Variants in DOCK6 observed in about 807,000 individuals in gnomAD.
DOCK6 encodes dedicator of cytokinesis protein 6.
Under a neutral mutation model 230.3 loss-of-function variants are expected in DOCK6, and 167 were observed. The ratio of observed to expected loss-of-function variants is 0.73; its 90% CI spans 0.64 to 0.82. The LOEUF is 0.82. Ranked by LOEUF, DOCK6 falls within the 40% of genes least tolerant of loss-of-function variation. The pLI, the probability that DOCK6 is intolerant of heterozygous loss-of-function variation, is 0.00. For missense variants in DOCK6, 2,598 were observed against 2,825.8 expected (o/e 0.92, Z 1.83); for synonymous variants, 1,148 against 1,185.0 (o/e 0.97, Z 0.64).
intron 14 of DOCK6, among the ~76,000 whole-genome samples, chr19:11,241,226 CAG>C (rs952360225): frequency 4.1e-5 from 6 of 146,644 alleles, no homozygotes; most frequent in African/African-American, 1.3e-4. Flanking sequence ...GCCTGGGTGA[CAG>C]AGAGAGACTC....
At chr19:11,239,637 C>G in intron 14 of DOCK6, 1 of 1,613,674 alleles carries the variant, frequency 6.2e-7, no homozygotes. Context: ...GACCCTCAGT[C>G]ATGCCAGTGC....
In DOCK6 at chr19:11,217,342, T is replaced by C. The variant is rs1479715734; in HGVS notation, c.3600A>G (p.Thr1200=). The change falls in exon 29 of 48, where the codon ACA becomes ACG. Residue 1200 remains threonine, a synonymous_variant. Coordinates refer to ENST00000294618, the MANE Select transcript of DOCK6 (RefSeq NM_020812.4). ...SRLASMLDSD[T]EGEGDIAGTI... Reference sequence around the variant, plus strand: ...TACCCGCAATGTCCCCTTCGCCTTCTGTGTCTGAGTCAAGCATTGAGGCCA... The same window carrying C: ...TACCCGCAATGTCCCCTTCGCCTTCCGTGTCTGAGTCAAGCATTGAGGCCA... 1 of 1,613,450 alleles carries C rather than the reference T, an allele frequency of 6.2e-7. No individual in the cohort carries two copies. The highest frequency in any genetic ancestry group is 1.3e-5 in the African/African-American group (1 of 74,930).
rs925081420 is a variant in DOCK6 at position 11,202,329 on chromosome 19, C to T, written c.5451+65G>A. ...CCCAGAGAAAGAGGATTTGAGGGTC[C>T]CCAGGAAACAGCACTTGGAGTCTCT... On this transcript the variant is annotated intron_variant, in intron 43 of 47. Transcript: ENST00000294618. This position sits in a 1 kb window ranked among gnomAD's most constrained non-coding sequence, Gnocchi z 5.3. 9.6e-6 allele frequency: 15 copies of T among 1,557,794 alleles called. No individual in the cohort carries two copies. Among genetic ancestry groups the T allele is most frequent in the Admixed American group, 1.9e-5 (1 of 52,428 alleles).
chr19:11,214,718 C>A, intron 32 of DOCK6, 69 bp from the exon 33 acceptor site: 1 of 1,469,688 alleles, frequency 6.8e-7, no homozygotes, highest in Non-Finnish European at 9.4e-7. Context: ...GAGCTCTCTC[C>A]TTCCCCTGGC....
At chr19:11,225,031 TC>T (rs1295816086) in intron 24 of DOCK6, among the ~76,000 whole-genome samples, 28 of 147,516 alleles carry the variant, frequency 1.9e-4, no homozygotes, top group African/African-American at 6.8e-4. Flanking sequence ...GCCACTGCAC[TC>T]CCGCCTGGGC....
At chr19:11,209,306 A>C (rs185945440) in intron 37 of DOCK6, among the ~76,000 whole-genome samples, 3 of 142,516 alleles carry the variant, frequency 2.1e-5, no homozygotes, top group Admixed American at 7.0e-5. Context: ...CCCTTCGCCT[A>C]TTTTCTTACC....
Position 11,251,049 on chromosome 19 carries a change from G to A in DOCK6, c.545C>T (p.Thr182Ile), listed in dbSNP as rs185153527. The change falls in exon 6 of 48, where the codon ACC becomes ATC. Residue 182 changes from threonine to isoleucine, a missense_variant. Coordinates refer to ENST00000294618, the MANE Select transcript of DOCK6 (RefSeq NM_020812.4). ...SRRGSGSPED[T>I]PRSSGASSIF... Reference sequence around the variant, plus strand: ...GCTAGAGGCACCACTGCTTCGAGGGGTGTCTTCCGGGGAGCCCGAGCCACG... The same window carrying A: ...GCTAGAGGCACCACTGCTTCGAGGGATGTCTTCCGGGGAGCCCGAGCCACG... 8.7e-6 allele frequency: 14 copies of A among 1,613,040 alleles called. No homozygotes were observed. Among genetic ancestry groups the A allele is most frequent in the Non-Finnish European group, 1.2e-5 (14 of 1,179,652 alleles).
intron 28 of DOCK6, 173 bp downstream of exon 28, chr19:11,221,678 T>G: frequency 3.3e-6 from 3 of 903,736 alleles, no homozygotes; most frequent in Non-Finnish European, 5.0e-6. Flanking sequence ...GGGAGAAACC[T>G]GAGGCTCAGA....
In DOCK6 at chr19:11,243,625, G is replaced by A. The variant is rs1223608233; in HGVS notation, c.1190C>T (p.Thr397Met). ...LGRYRMPFAWTAVHLANIVSS... is the reference protein window; with the variant it reads ...LGRYRMPFAWMAVHLANIVSS... ...CACGATGTTGGCCAAGTGCACGGCC[G>A]TCCAGGCGAAGGGCATGCGGTAGCG... is the stretch of plus-strand genomic sequence containing the variant. Residue 397 changes from threonine to methionine, a missense_variant, in exon 11 of 48, where the codon ACG becomes ATG. By Grantham distance (81) the Thr-to-Met change is moderately conservative. Coordinates refer to ENST00000294618, the MANE Select transcript of DOCK6 (RefSeq NM_020812.4). This position sits in a 1 kb window ranked among gnomAD's most constrained non-coding sequence, Gnocchi z 6.3. The A allele has an allele frequency of 3.1e-6, 5 of 1,611,922 alleles. No homozygotes were observed. The highest frequency in any genetic ancestry group is 1.1e-5 in the South Asian group (1 of 90,902).
In DOCK6 at chr19:11,242,186, G is replaced by A; in HGVS notation, c.1502C>T (p.Ser501Phe). The change falls in exon 14 of 48, where the codon TCT becomes TTT. Residue 501 changes from serine (S) to phenylalanine (F), a missense_variant. Coordinates refer to ENST00000294618, the MANE Select transcript of DOCK6 (RefSeq NM_020812.4). ...GAAGTGGGGATTTTCAGGAGCCGGA[G>A]AAATGTCGATCTTGAGCTGGGCTGG... ...PVTAQLKIDISPAPENPHFCL... is the reference protein window; with the variant it reads ...PVTAQLKIDIFPAPENPHFCL... The A allele has an allele frequency of 2.0e-6, 3 of 1,466,366 alleles. No homozygotes were observed. Among genetic ancestry groups the A allele is most frequent in the Non-Finnish European group, 2.7e-6 (3 of 1,111,110 alleles). The allele number at this position is 1,466,366 out of a possible 1,614,324, so 90.8% of individuals were successfully genotyped here. A position where few individuals can be genotyped will look rare whatever the true frequency, so the allele number is the denominator to read the frequency against.
intron 22 of DOCK6, chr19:11,229,284 C>T (rs1270250546): frequency 7.8e-7 from 1 of 1,287,792 alleles, no homozygotes; most frequent in Non-Finnish European, 9.9e-7. Context: ...GTCATCCGCA[C>T]CTCCCCCCAC....
rs779482620 is a variant in DOCK6 at position 11,243,646 on chromosome 19, T to C, written c.1169A>G (p.Tyr390Cys). The C allele has an allele frequency of 6.2e-7, 1 of 1,612,910 alleles. No individual in the cohort carries two copies. Among genetic ancestry groups the C allele is most frequent in the Non-Finnish European group, 8.5e-7 (1 of 1,179,752 alleles). Residue 390 changes from tyrosine to cysteine, a missense_variant, in exon 11 of 48, where the codon TAC becomes TGC. Physicochemically the swap from Tyr to Cys is radical, Grantham distance 194. Coordinates refer to ENST00000294618, the MANE Select transcript of DOCK6 (RefSeq NM_020812.4). The surrounding 1 kb of genome is among the most constrained non-coding windows in gnomAD (Gnocchi z 6.3). Reference sequence around the variant, plus strand: ...GGCCGTCCAGGCGAAGGGCATGCGGTAGCGGCCCAGGCGGGTGCAGAACTG... The same window carrying C: ...GGCCGTCCAGGCGAAGGGCATGCGGCAGCGGCCCAGGCGGGTGCAGAACTG... ...AEQFCTRLGRYRMPFAWTAVH... is the reference protein window; with the variant it reads ...AEQFCTRLGRCRMPFAWTAVH...
chr19:11,222,903 C>T lies in DOCK6; in HGVS notation c.3072G>A (p.Val1024=). Residue 1024 remains valine, a splice_region_variant and synonymous_variant, in exon 26 of 48, where the codon GTG becomes GTA. Coordinates refer to ENST00000294618, the MANE Select transcript of DOCK6 (RefSeq NM_020812.4). The surrounding 1 kb of genome is among the most constrained non-coding windows in gnomAD (Gnocchi z 4.0). Reference sequence around the variant, plus strand: ...TAGGGGACGACTGGAGCCGCGTGGCCACCTGCAGGAGAGGGGTGGCCATCA... The same window carrying T: ...TAGGGGACGACTGGAGCCGCGTGGCTACCTGCAGGAGAGGGGTGGCCATCA... The part of the protein sequence containing the change: ...FSLVRAHYKQ[V]ATRLQSSPNP... 8 of 1,610,556 alleles carry T rather than the reference C, an allele frequency of 5.0e-6. No homozygotes were observed. Among genetic ancestry groups the T allele is most frequent in the South Asian group, 1.1e-5 (1 of 90,642 alleles).
intron 1 of DOCK6, among the ~76,000 whole-genome samples, chr19:11,260,919 GA>G (rs2080277209): frequency 2.3e-4 from 30 of 128,238 alleles, no homozygotes; most frequent in South Asian, 5.3e-4. Context: ...AAAAGAAAAA[GA>G]AAAGGAAAGA....
At chr19:11,210,405 T>TCCCTTCACCTGTCTCCTTGCCTGTTCAC (rs375837970) in intron 37 of DOCK6, among the ~76,000 whole-genome samples, 3 of 144,434 alleles carry the variant, frequency 2.1e-5, no homozygotes, top group African/African-American at 7.8e-5. Context: ...CACCAGTCCA[T>TCCCTTCACCTGTCTCCTTGCCTGTTCAC]CCCTTCACCT....
In DOCK6 at chr19:11,262,344, G is replaced by C; in HGVS notation, c.44+53C>G. On this transcript the variant is annotated intron_variant, in intron 1 of 47. Transcript: ENST00000294618. ...GGCGGGGAGGGTCGCACCGCCCCGG[G>C]GCGGAGCCGGGCCACGTGGGGGAGG... is the stretch of plus-strand genomic sequence containing the variant. The C allele has an allele frequency of 1.7e-6, 2 of 1,203,072 alleles. 1 individual carries two copies. Among genetic ancestry groups the C allele is most frequent in the South Asian group, 7.2e-5 (2 of 27,682 alleles). 74.5% of individuals were successfully genotyped at this position (1,203,072 alleles called of 1,614,324 possible).
At chr19:11,223,234 G>T in intron 24 of DOCK6, 128 bp from the exon 25 acceptor site, 1 of 836,382 alleles carries the variant, frequency 1.2e-6, no homozygotes, top group Admixed American at 2.7e-5. Context: ...TCTGTGGGCT[G>T]TGGTGACTCT....
chr19:11,214,717 CCTT>C, intron 32 of DOCK6, 68 bp from the exon 33 acceptor site: 3 of 1,487,354 alleles, frequency 2.0e-6, no homozygotes, highest in Non-Finnish European at 2.8e-6. Flanking sequence ...TGAGCTCTCT[CCTT>C]CCCCTGGCAG....
At chr19:11,218,731 A>T (rs2079532801) in intron 28 of DOCK6, among the ~76,000 whole-genome samples, 1 of 151,980 alleles carries the variant, frequency 6.6e-6, no homozygotes, top group Non-Finnish European at 1.5e-5. Flanking sequence ...TACAGGTATG[A>T]GCCACTGCAC....
Sources: gnomAD v4.1 joint callset for allele counts (sites outside exome capture counted in the v4.1 genomes callset) on GRCh38, gnomAD v4.1.1 for gene constraint, Gnocchi (gnomAD v3.1) non-coding constraint, MANE v1.5 for transcripts, NCBI Gene and HGNC (gene_info 2026-07-23, HGNC 2026-07-21) for gene names.